ERBIN: variants seen among roughly 807,000 people sequenced by gnomAD.
ERBIN encodes erbb2 interacting protein, also known as densin-180-like protein.
A neutral mutation model predicts 158.4 loss-of-function variants in ERBIN; 60 were observed. The ratio of observed to expected loss-of-function variants is 0.38; its 90% CI spans 0.31 to 0.47. The LOEUF (loss-of-function observed/expected upper bound fraction) is 0.47, where lower values mean the gene tolerates loss of function less well. ERBIN is among the 20% of genes least tolerant of loss of function. The pLI, the probability that ERBIN is intolerant of heterozygous loss-of-function variation, is 0.99. For synonymous variants in ERBIN, 594 were observed against 557.2 expected (o/e 1.07, Z -0.93); for missense variants, 1,610 against 1,648.0 (o/e 0.98, Z 0.40).
intron 1 of ERBIN, among the ~76,000 whole-genome samples, chr5:65,960,089 C>T: frequency 6.6e-6 from 1 of 152,216 alleles, no homozygotes; most frequent in East Asian, 1.9e-4. Flanking sequence ...GCTCTGCTGT[C>T]AGTCAGCAGA....
At chr5:66,036,319 A>G (rs1279233188) in intron 14 of ERBIN, among the ~76,000 whole-genome samples, 1 of 151,894 alleles carries the variant, frequency 6.6e-6, no homozygotes, top group Non-Finnish European at 1.5e-5. Flanking sequence ...AAACCTTTTC[A>G]TTGTTTCTTT....
At chr5:66,063,150 G>C (rs996367329) in intron 21 of ERBIN, among the ~76,000 whole-genome samples, 4 of 152,194 alleles carry the variant, frequency 2.6e-5, no homozygotes, top group Non-Finnish European at 4.4e-5. Flanking sequence ...GGAGCCTACC[G>C]AGGCACGCAG....
At position 66,018,474 on chromosome 5, in the gene ERBIN, T is replaced by C; in HGVS notation, c.534-2848T>C. On this transcript the variant is annotated intron_variant, in intron 7 of 25. Transcript: ENST00000284037. ...ATATATTATATTATATAATATATAT[T>C]ATATATTATATATTATATTATATAA... 5.2e-4 allele frequency among the ~76,000 whole-genome samples: 2 copies of C among 3,814 alleles called. 1 individual carries two copies. The highest frequency in any genetic ancestry group is 0.01 in the South Asian group (2 of 200). 2.5% of individuals were successfully genotyped at this position (3,814 alleles called of 152,430 possible). A position where few individuals can be genotyped will look rare whatever the true frequency, so the allele number is the denominator to read the frequency against.
At chr5:65,936,052 T>C (rs1008464499) in intron 1 of ERBIN, among the ~76,000 whole-genome samples, 1 of 152,018 alleles carries the variant, frequency 6.6e-6, no homozygotes, top group Non-Finnish European at 1.5e-5. Context: ...TCAGGTTATA[T>C]TGTTTGCATG....
rs141638652 is a variant in ERBIN, at chr5:66,039,527, A to G, written c.1306+1045A>G. Among the ~76,000 whole-genome samples the G allele has an allele frequency of 5.3e-5, 8 of 152,110 alleles. No homozygotes were observed. In the East Asian group the frequency reaches 1.5e-3, roughly 29 times the overall value. On this transcript the variant is annotated intron_variant, in intron 15 of 25. Transcript: ENST00000284037. ...AAGTTTCAGTGAGTAAGACAAACAA[A>G]AAACTTAGCTATTGATGCATTCAAG...
chr5:66,068,978 G>A (rs1263359749), intron 21 of ERBIN: 1 of 1,535,430 alleles, frequency 6.5e-7, no homozygotes, highest in Middle Eastern at 1.7e-4. Flanking sequence ...GTCTTGCCTT[G>A]AGTGTTGCAG....
chr5:65,947,772 C>T (rs563458114), intron 1 of ERBIN, among the ~76,000 whole-genome samples: 1 of 152,056 alleles, frequency 6.6e-6, no homozygotes, highest in South Asian at 2.1e-4. Context: ...TTTGGGAGGC[C>T]GAGGCAGGCA....
At chr5:66,041,097 G>A (rs1034147983) in intron 15 of ERBIN, among the ~76,000 whole-genome samples, 3 of 151,870 alleles carry the variant, frequency 2.0e-5, no homozygotes, top group African/African-American at 7.2e-5. Context: ...TGGGGTAAGG[G>A]CATTTCAGGA....
intron 1 of ERBIN, among the ~76,000 whole-genome samples, chr5:65,974,223 G>C (rs1749600843): frequency 6.6e-6 from 1 of 152,092 alleles, no homozygotes; most frequent in Non-Finnish European, 1.5e-5. Context: ...ATTGACAGTG[G>C]ACTTATTATG....
Position 66,054,797 on chromosome 5 carries a change from G to C in ERBIN, c.3479G>C (p.Ser1160Thr), listed in dbSNP as rs1412132387. The C allele has an allele frequency of 2.5e-6, 4 of 1,614,000 alleles. No individual in the cohort carries two copies. The highest frequency in any genetic ancestry group is 2.2e-5 in the East Asian group (1 of 44,896). Residue 1160 changes from serine (S) to threonine (T), a missense_variant, in exon 21 of 26, where the codon AGT becomes ACT. Ser to Thr is a moderately conservative substitution (Grantham distance 58). This residue lies in a region of ERBIN where 1,014 missense variants were observed against 936.1 expected (regional missense o/e 1.08). Coordinates refer to ENST00000284037, the MANE Select transcript of ERBIN (RefSeq NM_001253697.2). ...NEIPERTMSVSDFNYSRTSPS... is the reference protein window; with the variant it reads ...NEIPERTMSVTDFNYSRTSPS... ...ATACCAGAGAGAACTATGTCAGTTA[G>C]TGATTTCAATTATTCACGGACTAGT...
chr5:65,931,950 CT>C, intron 1 of ERBIN, among the ~76,000 whole-genome samples: 1 of 151,642 alleles, frequency 6.6e-6, no homozygotes, highest in Non-Finnish European at 1.5e-5. Context: ...TCCTGAGTAG[CT>C]GGGATTACAG....
At chr5:65,982,282 G>A (rs16894658) in intron 1 of ERBIN, among the ~76,000 whole-genome samples, 6,101 of 152,230 alleles carry the variant, frequency 0.04, 416 homozygotes, top group African/African-American at 0.14. Context: ...CTGGTAACCT[G>A]TCCATCCTCT....
intron 1 of ERBIN, among the ~76,000 whole-genome samples, chr5:65,929,837 G>C (rs1743148088): frequency 6.6e-6 from 1 of 151,856 alleles, no homozygotes; most frequent in Non-Finnish European, 1.5e-5. Flanking sequence ...GACAGGTTTT[G>C]CCATGTTGGC....
In ERBIN at chr5:66,080,033, C is replaced by G. The variant is rs1762315444; in HGVS notation, c.*1503C>G. 6.6e-6 allele frequency: 1 copy of G among 152,116 alleles called. No individual in the cohort carries two copies. The highest frequency in any genetic ancestry group is 2.1e-4 in the South Asian group (1 of 4,830). The allele number at this position is 152,116 out of a possible 1,614,324, so 9.4% of individuals were successfully genotyped here. Reference sequence around the variant, plus strand: ...TGTTTAGTTGAGGCTAGTCTGGAACCTTTCATTAGAGCAATATTTGGTTAT... The same window carrying G: ...TGTTTAGTTGAGGCTAGTCTGGAACGTTTCATTAGAGCAATATTTGGTTAT... On this transcript the variant is annotated 3_prime_UTR_variant, in exon 26 of 26. Transcript: ENST00000284037.
At chr5:66,024,501 C>T in intron 10 of ERBIN, 51 bp downstream of exon 10, 1 of 1,512,942 alleles carries the variant, frequency 6.6e-7, no homozygotes. Context: ...AAATTCGAGA[C>T]TTCCACATAA....
intron 21 of ERBIN, among the ~76,000 whole-genome samples, chr5:66,067,074 G>C (rs936719395): frequency 5.9e-5 from 9 of 152,148 alleles, no homozygotes; most frequent in Non-Finnish European, 1.2e-4. Flanking sequence ...TGTTATTTAT[G>C]TATGTATGAA....
At chr5:65,930,057 A>G (rs1743179346) in intron 1 of ERBIN, among the ~76,000 whole-genome samples, 1 of 152,094 alleles carries the variant, frequency 6.6e-6, no homozygotes, top group Admixed American at 6.5e-5. Context: ...TTAGCTTCCT[A>G]TATTTATAGT....
At chr5:65,992,216 C>G (rs557276292) in intron 2 of ERBIN, among the ~76,000 whole-genome samples, 1 of 152,096 alleles carries the variant, frequency 6.6e-6, no homozygotes, top group South Asian at 2.1e-4. Context: ...GTGGCGCGAT[C>G]TCGGCTCACT....
chr5:65,927,201 A>C (rs191131968), intron 1 of ERBIN, among the ~76,000 whole-genome samples: 79 of 152,256 alleles, frequency 5.2e-4, no homozygotes, highest in African/African-American at 1.9e-3. Flanking sequence ...CGCTGCAGTG[A>C]GTGATTTGCT....
Sources: gnomAD v4.1 joint callset for allele counts (sites outside exome capture counted in the v4.1 genomes callset) on GRCh38, gnomAD v4.1.1 for gene constraint, gnomAD v4.1.1 regional missense constraint, MANE v1.5 for transcripts, NCBI Gene and HGNC (gene_info 2026-07-23, HGNC 2026-07-21) for gene names.